Variants in VGLL3 observed in about 807,000 individuals in gnomAD.
VGLL3 encodes vestigial like family member 3.
VGLL3 carries 18 observed loss-of-function variants against 29.2 expected under a neutral mutation model. That is an observed-to-expected ratio of 0.62 (90% CI 0.43 to 0.91). VGLL3 has a LOEUF of 0.91. Among genes scored for constraint, VGLL3 ranks in the 40% least tolerant of loss-of-function variants. The pLI is 0.00. For missense variants in VGLL3, 440 were observed against 413.2 expected, an observed-to-expected ratio of 1.06 and a Z score of -0.56; for synonymous variants, 180 against 151.8, an observed-to-expected ratio of 1.19 and a Z score of -1.36.
At chr3:86,987,046 A>T (rs2107075176) in intron 1 of VGLL3, among the ~76,000 whole-genome samples, 1 of 152,286 alleles carries the variant, frequency 6.6e-6, no homozygotes, top group East Asian at 1.9e-4. Context: ...AAAAAAATTT[A>T]AAAAGCTTTA....
At chr3:86,990,436 C>G (rs752624456) in intron 1 of VGLL3, 182 bp downstream of exon 1, 84 of 977,530 alleles carry the variant, frequency 8.6e-5, no homozygotes, top group Non-Finnish European at 9.2e-5. Context: ...CTCACCCACC[C>G]GTCCACCCTG....
intron 1 of VGLL3, among the ~76,000 whole-genome samples, chr3:86,989,525 A>G (rs554394406): frequency 3.3e-5 from 5 of 152,358 alleles, no homozygotes; most frequent in Admixed American, 3.3e-4. Context: ...AGTAGAGGAA[A>G]TACAGAAAGT....
intron 2 of VGLL3, among the ~76,000 whole-genome samples, chr3:86,975,905 A>G (rs1705200961): frequency 1.3e-5 from 2 of 152,098 alleles, no homozygotes; most frequent in South Asian, 4.1e-4. Context: ...TGAGGTCAGG[A>G]GTTCAAGACC....
At position 86,980,455 on chromosome 3, in the gene VGLL3, C is replaced by T. The variant is rs181321731; in HGVS notation, c.127-1653G>A. On this transcript the variant is annotated intron_variant, in intron 1 of 3. Coordinates refer to ENST00000398399, the MANE Select transcript of VGLL3 (RefSeq NM_016206.4). ...ATGTGTTTTGCTTTTATTTAAAATT[C>T]GTATCAGTATGGTTATGATTTGTTG... 9.2e-5 allele frequency among the ~76,000 whole-genome samples: 14 copies of T among 152,066 alleles called. No homozygotes were observed. In the East Asian group the frequency reaches 1.2e-3, roughly 13 times the overall value.
chr3:86,983,907 A>T (rs1272152184), intron 1 of VGLL3, among the ~76,000 whole-genome samples: 8 of 152,222 alleles, frequency 5.3e-5, no homozygotes, highest in Non-Finnish European at 8.8e-5. Flanking sequence ...AGGATGGCCT[A>T]ACTATAATGG....
At chr3:86,958,797 T>C (rs1234452360) in intron 3 of VGLL3, among the ~76,000 whole-genome samples, 2 of 152,068 alleles carry the variant, frequency 1.3e-5, no homozygotes, top group South Asian at 2.1e-4. Flanking sequence ...ACCCTTCTGG[T>C]CATGAAATTG....
intron 3 of VGLL3, among the ~76,000 whole-genome samples, chr3:86,949,043 A>C (rs1010390511): frequency 1.3e-5 from 2 of 152,202 alleles, no homozygotes; most frequent in South Asian, 4.1e-4. Flanking sequence ...ACACTTGAAG[A>C]CTGCATCAAT....
At chr3:86,953,547 A>C (rs1704655496) in intron 3 of VGLL3, among the ~76,000 whole-genome samples, 1 of 152,174 alleles carries the variant, frequency 6.6e-6, no homozygotes, top group Non-Finnish European at 1.5e-5. Context: ...TTACATATTT[A>C]ATTGTGGTGG....
intron 2 of VGLL3, among the ~76,000 whole-genome samples, chr3:86,973,066 A>C (rs551785051): frequency 6.8e-6 from 1 of 146,920 alleles, no homozygotes; most frequent in African/African-American, 2.7e-5. Context: ...AATGTCTCTT[A>C]AAAAAAACAC....
At position 86,938,130 on chromosome 3, in the gene VGLL3, T is replaced by G. The variant is rs147262877; in HGVS notation, c.*8894A>C. On this transcript the variant is annotated 3_prime_UTR_variant, in exon 4 of 4. Coordinates refer to ENST00000398399, the MANE Select transcript of VGLL3 (RefSeq NM_016206.4). ...ACTCTAATCTTTGACTTAACGATATTTTCCCAGACTTACTGAGTTATAATT... is the reference window on the plus strand; with the variant it reads ...ACTCTAATCTTTGACTTAACGATATGTTCCCAGACTTACTGAGTTATAATT... 3.9e-4 allele frequency: 60 copies of G among 152,338 alleles called. No individual in the cohort carries two copies. The East Asian group carries it at 0.011, about 27-fold the overall frequency. The allele number at this position is 152,338 out of a possible 1,614,324, so 9.4% of individuals were successfully genotyped here. A position where few individuals can be genotyped will look rare whatever the true frequency, so the allele number is the denominator to read the frequency against.
intron 2 of VGLL3, among the ~76,000 whole-genome samples, chr3:86,970,518 CACAT>C (rs1705075980): frequency 1.4e-5 from 2 of 147,122 alleles, no homozygotes; most frequent in African/African-American, 2.6e-5. Context: ...CACACACACA[CACAT>C]ATGACAGCAG....
intron 3 of VGLL3, among the ~76,000 whole-genome samples, chr3:86,952,734 A>G (rs958844979): frequency 2.0e-5 from 3 of 152,168 alleles, no homozygotes; most frequent in Admixed American, 2.0e-4. Flanking sequence ...CCATCCTTTA[A>G]TAAAGATAAG....
intron 3 of VGLL3, among the ~76,000 whole-genome samples, chr3:86,953,481 C>G (rs1239007695): frequency 1.3e-5 from 2 of 152,028 alleles, no homozygotes; most frequent in Admixed American, 6.6e-5. Context: ...AGTTACATTT[C>G]TTAGAAAAAT....
Position 86,969,072 on chromosome 3 carries a change from G to A in VGLL3, c.455C>T (p.Thr152Ile). ...TGCAGGTGGGGGCTGGTAAGAGCTG[G>A]TCCAAAAGGAAGTTGGGAAACTATT... ...QRNSFPTSFW[T>I]SSYQPPPAPC... Residue 152 changes from threonine to isoleucine, a missense_variant, in exon 3 of 4, where the codon ACC becomes ATC. Transcript: ENST00000398399. 1.2e-6 allele frequency: 2 copies of A among 1,611,196 alleles called. No individual in the cohort carries two copies. The highest frequency in any genetic ancestry group is 1.7e-6 in the Non-Finnish European group (2 of 1,177,922).
At chr3:86,990,426 C>T (rs1002710661) in intron 1 of VGLL3, 192 bp downstream of exon 1, 3 of 980,458 alleles carry the variant, frequency 3.1e-6, no homozygotes, top group Non-Finnish European at 3.6e-6. Context: ...TAGGTCATGC[C>T]TCACCCACCC....
At chr3:86,979,539 T>C (rs1015404868) in intron 1 of VGLL3, among the ~76,000 whole-genome samples, 1 of 152,140 alleles carries the variant, frequency 6.6e-6, no homozygotes, top group African/African-American at 2.4e-5. Flanking sequence ...TAATTTAAAA[T>C]GTTTAAAAAT....
rs1281790532 is a variant in VGLL3 at position 86,956,794 on chromosome 3, A to C, written c.938-9727T>G. Among the ~76,000 whole-genome samples, 13 of 50,840 alleles carry C rather than the reference A, an allele frequency of 2.6e-4. No individual in the cohort carries two copies. In the East Asian group the frequency reaches 5.1e-3, roughly 20 times the overall value. 33.4% of individuals were successfully genotyped at this position (50,840 alleles called of 152,430 possible). A position where few individuals can be genotyped will look rare whatever the true frequency, so the allele number is the denominator to read the frequency against. ...AGCGAGACTCCGTCCCACCGTCCCA[A>C]AAAAAAAAAAAAAAAAAAAGAAAGA... On this transcript the variant is annotated intron_variant, in intron 3 of 3. Coordinates refer to ENST00000398399, the MANE Select transcript of VGLL3 (RefSeq NM_016206.4).
intron 2 of VGLL3, among the ~76,000 whole-genome samples, chr3:86,971,978 G>T (rs986733551): frequency 3.3e-5 from 5 of 152,086 alleles, no homozygotes; most frequent in African/African-American, 1.2e-4. Context: ...CCACAAGTAC[G>T]TGCCAGAGAT....
chr3:86,948,347 A>C (rs1026242102), intron 3 of VGLL3, among the ~76,000 whole-genome samples: 1 of 152,160 alleles, frequency 6.6e-6, no homozygotes, highest in Admixed American at 6.5e-5. Flanking sequence ...AAATGAGCCA[A>C]TTTGGTTCAA....
Sources: gnomAD v4.1 joint callset for allele counts (sites outside exome capture counted in the v4.1 genomes callset) on GRCh38, gnomAD v4.1.1 for gene constraint, MANE v1.5 for transcripts, NCBI Gene and HGNC (gene_info 2026-07-23, HGNC 2026-07-21) for gene names.